CELF2: variants seen among roughly 807,000 people sequenced by gnomAD.
The protein encoded by CELF2 is CUGBP Elav-like family member 2.
Under a neutral mutation model 62.6 loss-of-function variants are expected in CELF2, and 8 were observed. That is an observed-to-expected ratio of 0.13 (90% CI 0.07 to 0.23). The LOEUF (loss-of-function observed/expected upper bound fraction) is 0.23, where lower values mean the gene tolerates loss of function less well. Ranked by LOEUF, CELF2 falls within the 10% of genes least tolerant of loss-of-function variation. The probability of loss-of-function intolerance (pLI) is 1.00; values close to 1 mark genes in which losing one functional copy is unlikely to be tolerated. For missense variants in CELF2, 333 were observed against 671.0 expected (o/e 0.50, Z 5.56); for synonymous variants, 258 against 250.0 (o/e 1.03, Z -0.30).
At chr10:10,701,138 A>G in the CELF2 span, among the ~76,000 whole-genome samples, 1 of 152,228 alleles carries the variant, frequency 6.6e-6, no homozygotes, top group Non-Finnish European at 1.5e-5. Flanking sequence ...AACATCATGC[A>G]CGAAGGCCCA....
the CELF2 span, among the ~76,000 whole-genome samples, chr10:10,624,856 A>G: frequency 6.6e-6 from 1 of 152,232 alleles, no homozygotes; most frequent in African/African-American, 2.4e-5. Flanking sequence ...GGGGACAAGA[A>G]ACAGATTCAC....
At chr10:10,537,709 C>T in the CELF2 span, among the ~76,000 whole-genome samples, 1 of 152,220 alleles carries the variant, frequency 6.6e-6, no homozygotes, top group East Asian at 1.9e-4. Context: ...AGCTCTGTAC[C>T]ACCCCATGAG....
intron 2 of CELF2, among the ~76,000 whole-genome samples, chr10:11,186,220 C>A (rs1231381637): frequency 6.6e-6 from 1 of 151,664 alleles, no homozygotes; most frequent in Admixed American, 6.6e-5. Context: ...TAATTTGTGC[C>A]TGCATTCTTT....
the CELF2 span, among the ~76,000 whole-genome samples, chr10:10,641,266 C>A: frequency 1.3e-5 from 2 of 152,172 alleles, no homozygotes; most frequent in African/African-American, 4.8e-5. Flanking sequence ...ACCTTCAGCA[C>A]GTGACTTAGT....
At chr10:10,603,784 TACACACAC>T in the CELF2 span, among the ~76,000 whole-genome samples, 5 of 148,544 alleles carry the variant, frequency 3.4e-5, no homozygotes, top group East Asian at 9.9e-4. Context: ...TATTTACACA[TACACACAC>T]ACACACACAC....
intron 12 of CELF2, 108 bp downstream of exon 12, chr10:11,326,087 G>A: frequency 1.8e-6 from 2 of 1,098,060 alleles, no homozygotes; most frequent in South Asian, 1.7e-5. Flanking sequence ...TCCCCACATT[G>A]TGTTGGGCTC....
chr10:11,125,754 C>A (rs975357361), intron 1 of CELF2, among the ~76,000 whole-genome samples: 4 of 152,060 alleles, frequency 2.6e-5, no homozygotes, highest in Non-Finnish European at 4.4e-5. Context: ...CCCTACTGCC[C>A]CCATTAAAGT....
chr10:10,576,406 C>T, the CELF2 span, among the ~76,000 whole-genome samples: 2 of 152,008 alleles, frequency 1.3e-5, no homozygotes, highest in African/African-American at 4.8e-5. Context: ...ATTTGATGAG[C>T]TCATGAAAGA....
chr10:11,298,294 T>C (rs918843832), intron 9 of CELF2, among the ~76,000 whole-genome samples: 3 of 152,188 alleles, frequency 2.0e-5, no homozygotes, highest in African/African-American at 7.2e-5. Flanking sequence ...GGCCTTGTGG[T>C]GCCATCTCGA....
the CELF2 span, among the ~76,000 whole-genome samples, chr10:10,580,901 C>T: frequency 0.037 from 5,620 of 152,148 alleles, 328 homozygotes; most frequent in African/African-American, 0.13. Flanking sequence ...AATAGAATTA[C>T]CTGAAAATAT....
At chr10:10,734,106 T>C in the CELF2 span, among the ~76,000 whole-genome samples, 1 of 152,210 alleles carries the variant, frequency 6.6e-6, no homozygotes, top group Non-Finnish European at 1.5e-5. Flanking sequence ...TTTTTTTAGC[T>C]GCATAGTCTT....
At chr10:10,598,743 T>TTTTC in the CELF2 span, among the ~76,000 whole-genome samples, 9 of 146,406 alleles carry the variant, frequency 6.1e-5, 1 homozygote, top group East Asian at 3.9e-4. Context: ...TTCTTTTTCT[T>TTTTC]TTTCTTTCTT....
At chr10:10,825,240 C>T (rs1050544159) in intron 1 of CELF2, among the ~76,000 whole-genome samples, 9 of 152,080 alleles carry the variant, frequency 5.9e-5, no homozygotes, top group South Asian at 2.1e-4. Context: ...GACGGAGTCT[C>T]GCTCTGTCAC....
intron 1 of CELF2, among the ~76,000 whole-genome samples, chr10:11,104,845 G>A (rs916587767): frequency 1.3e-5 from 2 of 152,200 alleles, no homozygotes; most frequent in Non-Finnish European, 2.9e-5. Context: ...CAGAGCCTCA[G>A]TATCAACGCT....
At chr10:11,122,674 G>A (rs541898525) in intron 1 of CELF2, among the ~76,000 whole-genome samples, 1 of 152,180 alleles carries the variant, frequency 6.6e-6, no homozygotes, top group Admixed American at 6.5e-5. Context: ...ATGAGAAACA[G>A]GCCTCTTACA....
At chr10:10,597,749 CCTGCCA>C in the CELF2 span, among the ~76,000 whole-genome samples, 1 of 152,198 alleles carries the variant, frequency 6.6e-6, no homozygotes, top group East Asian at 1.9e-4. Context: ...CTTGGCCTCT[CCTGCCA>C]CTGCTCAAGG....
chr10:10,756,636 T>TG, the CELF2 span, among the ~76,000 whole-genome samples: 1 of 152,318 alleles, frequency 6.6e-6, no homozygotes, highest in South Asian at 2.1e-4. Context: ...TTAAATTAAC[T>TG]CTTGATAATA....
chr10:10,804,833 G>A (rs893331028), intron 1 of CELF2, among the ~76,000 whole-genome samples: 5 of 152,152 alleles, frequency 3.3e-5, no homozygotes, highest in Non-Finnish European at 5.9e-5. Context: ...TCTTTCACAT[G>A]CCGGGAAGTC....
At chr10:11,294,110 G>T (rs1443914156) in intron 9 of CELF2, among the ~76,000 whole-genome samples, 1 of 152,166 alleles carries the variant, frequency 6.6e-6, no homozygotes, top group Non-Finnish European at 1.5e-5. Flanking sequence ...TATTACAGGG[G>T]CAGCTTATTT....
Sources: allele counts gnomAD v4.1 joint callset (sites outside exome capture counted in the v4.1 genomes callset), GRCh38; gene constraint gnomAD v4.1.1; transcripts MANE v1.5; gene names NCBI Gene and HGNC (gene_info 2026-07-23, HGNC 2026-07-21).